NSL1: variants seen among roughly 807,000 people sequenced by gnomAD.
NSL1 encodes the protein NSL1 component of MIS12 kinetochore complex.
In NSL1, 11 loss-of-function variants were observed where a neutral mutation model predicts 25.4. The observed-to-expected ratio is 0.43, with a 90% CI of 0.27 to 0.72. NSL1 has a LOEUF of 0.72. Ranked by LOEUF, NSL1 falls within the 30% of genes least tolerant of loss-of-function variation. The pLI, the probability that NSL1 is intolerant of heterozygous loss-of-function variation, is 0.19. For synonymous variants in NSL1, 118 were observed against 120.6 expected (o/e 0.98, Z 0.14); for missense variants, 330 against 342.7 (o/e 0.96, Z 0.29).
chr1:212,757,819 C>T (rs1659384217), intron 4 of NSL1, among the ~76,000 whole-genome samples: 1 of 152,164 alleles, frequency 6.6e-6, no homozygotes, highest in Non-Finnish European at 1.5e-5. Flanking sequence ...AACATCCAAA[C>T]CATATTAATC....
At chr1:212,768,029 T>C (rs1659899543) in intron 4 of NSL1, among the ~76,000 whole-genome samples, 1 of 152,132 alleles carries the variant, frequency 6.6e-6, no homozygotes, top group African/African-American at 2.4e-5. Flanking sequence ...CTTAAAAAAC[T>C]AAAAGCAGGG....
At chr1:212,787,740 AAAGTAGC>A in intron 1 of NSL1, 103 bp from the exon 2 acceptor site, 32 of 664,224 alleles carry the variant, frequency 4.8e-5, no homozygotes, top group Non-Finnish European at 7.4e-5. Flanking sequence ...AGAGGAAATA[AAAGTAGC>A]AGAATAGCTA....
intron 4 of NSL1, among the ~76,000 whole-genome samples, chr1:212,756,159 A>G (rs566243511): frequency 6.6e-6 from 1 of 152,292 alleles, no homozygotes; most frequent in South Asian, 2.1e-4. Context: ...TCACTCTGTC[A>G]CTCAGGCTGG....
chr1:212,756,983 T>C (rs370563149), intron 4 of NSL1, among the ~76,000 whole-genome samples: 7 of 152,324 alleles, frequency 4.6e-5, no homozygotes, highest in African/African-American at 1.7e-4. Flanking sequence ...GGATACAGTA[T>C]GATCAAGGGA....
At chr1:212,756,948 C>T (rs1043740048) in intron 4 of NSL1, among the ~76,000 whole-genome samples, 1 of 152,054 alleles carries the variant, frequency 6.6e-6, no homozygotes, top group Non-Finnish European at 1.5e-5. Context: ...CTGTAAGTGG[C>T]AGAGAAAAAT....
intron 4 of NSL1, among the ~76,000 whole-genome samples, chr1:212,779,380 TGG>T (rs567032284): frequency 6.8e-5 from 7 of 103,658 alleles, no homozygotes; most frequent in African/African-American, 1.1e-4. Context: ...CAGAGGGAGG[TGG>T]GGGGGTCAGC....
At position 212,732,316 on chromosome 1, in the gene NSL1, CTT is replaced by C. The variant is rs10695741; in HGVS notation, c.*6090_*6091del. 5.7e-4 allele frequency: 464 copies of C among 820,656 alleles called. No individual in the cohort carries two copies. Among genetic ancestry groups the C allele is most frequent in the South Asian group, 7.8e-4 (14 of 17,990 alleles). 50.8% of individuals were successfully genotyped at this position (820,656 alleles called of 1,614,324 possible). ...ATCTCTTTTGGAGTCCTACATAGTC[CTT>C]TTTTTTTTTTTGAGATGAAGTTTCG... On this transcript the variant is annotated 3_prime_UTR_variant, in exon 6 of 6. Coordinates refer to ENST00000366977, the MANE Select transcript of NSL1 (RefSeq NM_015471.4).
At chr1:212,744,541 AG>A (rs1658668057) in intron 4 of NSL1, among the ~76,000 whole-genome samples, 1 of 152,246 alleles carries the variant, frequency 6.6e-6, no homozygotes, top group Admixed American at 6.5e-5. Context: ...ACTGTCACTG[AG>A]GAGGTTCAGA....
chr1:212,744,388 A>C (rs545396328), intron 4 of NSL1, among the ~76,000 whole-genome samples: 33 of 152,228 alleles, frequency 2.2e-4, no homozygotes, highest in Non-Finnish European at 4.3e-4. Context: ...AGCAACAACA[A>C]ATCCTGGGAA....
Position 212,783,630 on chromosome 1 carries a change from T to C in NSL1, c.444+733A>G, listed in dbSNP as rs563253107. On this transcript the variant is annotated intron_variant, in intron 3 of 5. Transcript: ENST00000366977. Reference sequence around the variant, plus strand: ...AATCTAAACACAACATGTACCTCACTGGAGGGACAATGCTATTCCCAGCAA... The same window carrying C: ...AATCTAAACACAACATGTACCTCACCGGAGGGACAATGCTATTCCCAGCAA... Among the ~76,000 whole-genome samples the C allele has an allele frequency of 5.9e-5, 9 of 152,316 alleles. No individual in the cohort carries two copies. The East Asian group carries it at 1.5e-3, about 26-fold the overall frequency.
intron 4 of NSL1, among the ~76,000 whole-genome samples, chr1:212,747,446 T>G (rs1275483504): frequency 1.3e-5 from 2 of 152,204 alleles, no homozygotes; most frequent in African/African-American, 4.8e-5. Context: ...AGGGCTGTAC[T>G]GCCAACAACT....
rs1346422529 is a variant in NSL1 at position 212,728,599 on chromosome 1, G to GA, written c.*9808dup. 2.0e-5 allele frequency: 20 copies of GA among 985,218 alleles called. No homozygotes were observed. The highest frequency in any genetic ancestry group is 5.2e-4 in the Middle Eastern group (1 of 1,936). The allele number at this position is 985,218 out of a possible 1,614,324, so 61.0% of individuals were successfully genotyped here. On this transcript the variant is annotated 3_prime_UTR_variant, in exon 6 of 6. Transcript: ENST00000366977. Reference sequence around the variant, plus strand: ...AATGAGAAAAGGAGTTTTATGTTAGGAAAAAAATGGTTTCTGAGAATTCTG... The same window carrying GA: ...AATGAGAAAAGGAGTTTTATGTTAGGAAAAAAAATGGTTTCTGAGAATTCTG...
chr1:212,784,297 C>A, intron 3 of NSL1, 66 bp downstream of exon 3: 3 of 1,100,598 alleles, frequency 2.7e-6, no homozygotes, highest in South Asian at 3.2e-5. Flanking sequence ...CCACGTAGAG[C>A]CTTATATTTT....
Position 212,731,706 on chromosome 1 carries a change from T to C in NSL1, c.*6702A>G. 1.0e-6 allele frequency: 1 copy of C among 985,458 alleles called. No homozygotes were observed. Among genetic ancestry groups the C allele is most frequent in the Non-Finnish European group, 1.2e-6 (1 of 829,938 alleles). 61.0% of individuals were successfully genotyped at this position (985,458 alleles called of 1,614,324 possible). On this transcript the variant is annotated 3_prime_UTR_variant, in exon 6 of 6. Transcript: ENST00000366977. ...CCATATTGTATGATCTTGAATCAGC[T>C]TTTTAGACATCCACTGACTTCCAGT...
chr1:212,728,857 C>T lies in NSL1; in HGVS notation c.*9551G>A. On this transcript the variant is annotated 3_prime_UTR_variant, in exon 6 of 6. Coordinates refer to ENST00000366977, the MANE Select transcript of NSL1 (RefSeq NM_015471.4). ...ATTAAGTCTAGTGTTTGCAGGAGGG[C>T]AAGACTGGGAGTGCTGGGGGTGGGG... is the stretch of plus-strand genomic sequence containing the variant. 2.0e-6 allele frequency: 2 copies of T among 985,316 alleles called. No homozygotes were observed. Among genetic ancestry groups the T allele is most frequent in the Non-Finnish European group, 2.4e-6 (2 of 829,902 alleles). 61.0% of individuals were successfully genotyped at this position (985,316 alleles called of 1,614,324 possible). A position where few individuals can be genotyped will look rare whatever the true frequency, so the allele number is the denominator to read the frequency against.
rs1334874598 is a variant in NSL1 at position 212,737,965 on chromosome 1, T to G, written c.*443A>C. On this transcript the variant is annotated 3_prime_UTR_variant, in exon 6 of 6. Coordinates refer to ENST00000366977, the MANE Select transcript of NSL1 (RefSeq NM_015471.4). ...AAAAAAAACCCTGCATCTGCTGCTG[T>G]GCAGAACTGATAATTACTTTTCAGC... The G allele has an allele frequency of 4.1e-6, 4 of 986,898 alleles. No homozygotes were observed. Among genetic ancestry groups the G allele is most frequent in the Admixed American group, 6.1e-5 (1 of 16,508 alleles). The allele number at this position is 986,898 out of a possible 1,614,324, so 61.1% of individuals were successfully genotyped here. A position where few individuals can be genotyped will look rare whatever the true frequency, so the allele number is the denominator to read the frequency against.
At position 212,726,455 on chromosome 1, in the gene NSL1, A is replaced by T. The variant is rs1657790851; in HGVS notation, c.*11953T>A. 1 of 152,294 alleles carries T rather than the reference A, an allele frequency of 6.6e-6. No homozygotes were observed. Among genetic ancestry groups the T allele is most frequent in the South Asian group, 2.1e-4 (1 of 4,834 alleles). The allele number at this position is 152,294 out of a possible 1,614,324, so 9.4% of individuals were successfully genotyped here. A position where few individuals can be genotyped will look rare whatever the true frequency, so the allele number is the denominator to read the frequency against. On this transcript the variant is annotated 3_prime_UTR_variant, in exon 6 of 6. Transcript: ENST00000366977. ...TATTTTTCAGATTTCCCTGCTGTTT[A>T]TCAAGATGGCATATGGGTGTAGGGA...
intron 4 of NSL1, among the ~76,000 whole-genome samples, chr1:212,766,593 C>T (rs1288858549): frequency 6.7e-6 from 1 of 149,202 alleles, no homozygotes; most frequent in East Asian, 2.0e-4. Flanking sequence ...TGCAGTGAGC[C>T]GAGATCGTGC....
At chr1:212,765,724 T>C (rs894016261) in intron 4 of NSL1, among the ~76,000 whole-genome samples, 13 of 151,980 alleles carry the variant, frequency 8.6e-5, no homozygotes, top group African/African-American at 3.1e-4. Flanking sequence ...GAGAATCGCT[T>C]GAACCTGGAA....
Sources: gnomAD v4.1 joint callset for allele counts (sites outside exome capture counted in the v4.1 genomes callset) on GRCh38, gnomAD v4.1.1 for gene constraint, MANE v1.5 for transcripts, NCBI Gene and HGNC (gene_info 2026-07-23, HGNC 2026-07-21) for gene names.